The following ZNF490 variants were observed in gnomAD, a reference collection of about 807,000 sequenced individuals.
The protein encoded by ZNF490 is zinc finger protein 490.
A neutral mutation model predicts 17.7 loss-of-function variants in ZNF490; 11 were observed. That is an observed-to-expected ratio of 0.62 (90% CI 0.39 to 1.03). The LOEUF (loss-of-function observed/expected upper bound fraction) is 1.03. Ranked by LOEUF, ZNF490 falls within the 50% of genes least tolerant of loss-of-function variation. ZNF490 has a pLI of 0.00. For missense variants in ZNF490, 542 were observed against 643.4 expected, an observed-to-expected ratio of 0.84 and a Z score of 1.71; for synonymous variants, 222 against 216.1, an observed-to-expected ratio of 1.03 and a Z score of -0.24.
chr19:12,595,619 G>T (rs965266845), intron 2 of ZNF490, among the ~76,000 whole-genome samples: 1 of 151,724 alleles, frequency 6.6e-6, no homozygotes, highest in Non-Finnish European at 1.5e-5. Context: ...ACCTCAAATT[G>T]TAGGTTATGG....
intron 2 of ZNF490, among the ~76,000 whole-genome samples, chr19:12,604,431 C>T (rs1028745640): frequency 8.5e-5 from 13 of 152,128 alleles, no homozygotes; most frequent in African/African-American, 3.1e-4. Context: ...GTGGGCGGAT[C>T]ATGAGGTCAG....
At position 12,580,646 on chromosome 19, in the gene ZNF490, T is replaced by C. The variant is rs368983745; in HGVS notation, c.1429A>G (p.Lys477Glu). ...SHTGVKPCEC[K>E]QCGKAFTCLN... ...CAAGTGAAAGCTTTGCCACACTGCTTACACTCACATGGTTTCACTCCAGTG... is the reference window on the plus strand; with the variant it reads ...CAAGTGAAAGCTTTGCCACACTGCTCACACTCACATGGTTTCACTCCAGTG... The change falls in exon 5 of 5, where the codon AAG (lysine) becomes GAG (glutamate). Residue 477 changes from lysine (K) to glutamate (E), a missense_variant. Lys to Glu is a moderately conservative substitution (Grantham distance 56). Transcript: ENST00000311437. 4 of 1,614,206 alleles carry C rather than the reference T, an allele frequency of 2.5e-6. No individual in the cohort carries two copies. The highest frequency in any genetic ancestry group is 3.4e-6 in the Non-Finnish European group (4 of 1,180,040).
At chr19:12,602,270 G>T (rs1286138867) in intron 2 of ZNF490, among the ~76,000 whole-genome samples, 3 of 152,110 alleles carry the variant, frequency 2.0e-5, no homozygotes, top group Non-Finnish European at 4.4e-5. Flanking sequence ...ACCTTTGGCT[G>T]GCGCGGTAGC....
At position 12,580,518 on chromosome 19, in the gene ZNF490, C is replaced by T; in HGVS notation, c.1557G>A (p.Val519=). 6.2e-7 allele frequency: 1 copy of T among 1,608,318 alleles called. No homozygotes were observed. The highest frequency in any genetic ancestry group is 8.5e-7 in the Non-Finnish European group (1 of 1,177,178). ...KAFSYSKSLH[V]HERTHSRQKP ...TCTGTCTACTATGAGTCCTTTCGTG[C>T]ACGTGCAAAGACTTTGAGTAACTGA... The change falls in exon 5 of 5, where the codon GTG becomes GTA. Residue 519 remains valine, a synonymous_variant. Coordinates refer to ENST00000311437, the MANE Select transcript of ZNF490 (RefSeq NM_020714.3).
chr19:12,606,436 C>T (rs1388900271), intron 2 of ZNF490, among the ~76,000 whole-genome samples: 1 of 151,028 alleles, frequency 6.6e-6, no homozygotes, highest in Admixed American at 6.6e-5. Context: ...CCTCTGCCTC[C>T]TGAGTTCAAG....
At chr19:12,590,169 C>A (rs2022852705) in intron 2 of ZNF490, among the ~76,000 whole-genome samples, 1 of 151,516 alleles carries the variant, frequency 6.6e-6, no homozygotes, top group Non-Finnish European at 1.5e-5. Flanking sequence ...CCCGTCTCAG[C>A]CTCCCAAAGT....
intron 2 of ZNF490, among the ~76,000 whole-genome samples, chr19:12,598,733 A>G (rs961854192): frequency 6.6e-6 from 1 of 151,014 alleles, no homozygotes; most frequent in Non-Finnish European, 1.5e-5. Context: ...TCATGCCTGT[A>G]ATCCCAGCAC....
intron 1 of ZNF490, chr19:12,609,739 CA>C (rs1306366869): frequency 1.0e-5 from 3 of 287,410 alleles, no homozygotes; most frequent in African/African-American, 6.9e-5. Context: ...AACAGAAAGT[CA>C]AAAACTGCAT....
At chr19:12,609,933 G>T (rs1302659831) in intron 1 of ZNF490, 2 of 455,536 alleles carry the variant, frequency 4.4e-6, no homozygotes, top group Admixed American at 4.7e-5. Flanking sequence ...TCGCCACTAT[G>T]AAATATATCC....
chr19:12,603,083 T>C (rs1487595864), intron 2 of ZNF490, among the ~76,000 whole-genome samples: 2 of 152,042 alleles, frequency 1.3e-5, no homozygotes, highest in African/African-American at 4.8e-5. Context: ...CACCCCCCAG[T>C]TTGGTGGAAA....
rs979288009 is a variant in ZNF490, at chr19:12,577,311, G to T, written c.*3174C>A. On this transcript the variant is annotated 3_prime_UTR_variant, in exon 5 of 5. Transcript: ENST00000311437. ...TTCTCACTCCCATTCCTGTAGCAGA[G>T]ATACCCCTTAGTTCCCCAATACCTA... Among the ~76,000 whole-genome samples the T allele has an allele frequency of 1.6e-4, 24 of 152,238 alleles. No homozygotes were observed. The highest frequency in any genetic ancestry group is 5.5e-4 in the African/African-American group (23 of 41,540).
chr19:12,606,817 A>G (rs547399417), intron 2 of ZNF490, among the ~76,000 whole-genome samples: 10 of 152,316 alleles, frequency 6.6e-5, no homozygotes, highest in African/African-American at 2.4e-4. Flanking sequence ...ACATGTTAGG[A>G]AAGAAAAAAA....
At chr19:12,599,139 C>CCAA (rs1491159235) in intron 2 of ZNF490, among the ~76,000 whole-genome samples, 2 of 68,632 alleles carry the variant, frequency 2.9e-5, no homozygotes, top group African/African-American at 1.3e-4. Flanking sequence ...GACTCTGTCT[C>CCAA]AAAAAAAAAA....
chr19:12,584,109 CATTATTTCTATATTTTAACTG>C lies in ZNF490; in HGVS notation c.163-574_163-554del, dbSNP rs1173577529. Among the ~76,000 whole-genome samples, 4 of 91,128 alleles carry C rather than the reference CATTATTTCTATATTTTAACTG, an allele frequency of 4.4e-5. 1 individual carries two copies. Among genetic ancestry groups the C allele is most frequent in the Admixed American group, 1.0e-4 (1 of 9,702 alleles). The allele number at this position is 91,128 out of a possible 152,430, so 59.8% of individuals were successfully genotyped here. A position where few individuals can be genotyped will look rare whatever the true frequency, so the allele number is the denominator to read the frequency against. ...ACAGGCGTGAGCCACCGCACCCTGC[CATTATTTCTATATTTTAACTG>C]TGATCACTTGAAGCCTTATTGTTCT... On this transcript the variant is annotated intron_variant, in intron 2 of 4. Transcript: ENST00000311437.
chr19:12,603,724 G>A (rs529154427), intron 2 of ZNF490, among the ~76,000 whole-genome samples: 289 of 151,352 alleles, frequency 1.9e-3, no homozygotes, highest in Middle Eastern at 6.8e-3. Flanking sequence ...CCCGGGGGTG[G>A]AGGCTGCATT....
At position 12,581,293 on chromosome 19, in the gene ZNF490, T is replaced by A. The variant is rs2022729877; in HGVS notation, c.782A>T (p.Tyr261Phe). 6.2e-7 allele frequency: 1 copy of A among 1,613,984 alleles called. No homozygotes were observed. Among genetic ancestry groups the A allele is most frequent in the African/African-American group, 1.3e-5 (1 of 74,900 alleles). ...TTCATGGCGCCGAAGAGCAGTGAGA[T>A]ATCTGAATGCCTTCCCACATTCCTT... ...ECKECGKAFR[Y>F]LTALRRHEKN... Residue 261 changes from tyrosine (Y) to phenylalanine (F), a missense_variant, in exon 5 of 5, where the codon TAT becomes TTT. Transcript: ENST00000311437.
intron 3 of ZNF490, among the ~76,000 whole-genome samples, 169 bp downstream of exon 3, chr19:12,583,261 A>G (rs944759962): frequency 1.3e-5 from 2 of 151,952 alleles, no homozygotes; most frequent in Non-Finnish European, 2.9e-5. Context: ...GGCTGGTCTC[A>G]GACTCCTGAC....
intron 2 of ZNF490, among the ~76,000 whole-genome samples, chr19:12,603,487 C>CA (rs1483399291): frequency 1.3e-5 from 2 of 151,510 alleles, no homozygotes; most frequent in African/African-American, 4.9e-5. Context: ...GACTCTGTCT[C>CA]AAAAAACAAA....
At chr19:12,606,256 A>G (rs1024774258) in intron 2 of ZNF490, among the ~76,000 whole-genome samples, 2 of 151,386 alleles carry the variant, frequency 1.3e-5, no homozygotes, top group Non-Finnish European at 2.9e-5. Context: ...GCAGTGGCAC[A>G]ATCATAGGTC....
Sources: allele counts gnomAD v4.1 joint callset (sites outside exome capture counted in the v4.1 genomes callset), GRCh38; gene constraint gnomAD v4.1.1; transcripts MANE v1.5; gene names NCBI Gene and HGNC (gene_info 2026-07-23, HGNC 2026-07-21).